The following NAV2 variants were observed in gnomAD, a reference collection of about 807,000 sequenced individuals.
NAV2 encodes neuron navigator 2, also known as helicase, APC down-regulated 1.
In NAV2, 54 loss-of-function variants were observed where a neutral mutation model predicts 223.2. That is an observed-to-expected ratio of 0.24 (90% CI 0.19 to 0.30). The LOEUF (loss-of-function observed/expected upper bound fraction) is 0.30. Ranked by LOEUF, NAV2 falls within the 10% of genes least tolerant of loss-of-function variation. The pLI, the probability that NAV2 is intolerant of heterozygous loss-of-function variation, is 1.00. For missense variants in NAV2, 2,806 were observed against 3,147.5 expected (o/e 0.89, Z 2.60); for synonymous variants, 1,279 against 1,239.3 (o/e 1.03, Z -0.67).
chr11:19,461,359 G>T (rs1852152340), intron 1 of NAV2, among the ~76,000 whole-genome samples: 1 of 152,196 alleles, frequency 6.6e-6, no homozygotes, highest in African/African-American at 2.4e-5. Flanking sequence ...AACTTTCGGA[G>T]GGATTTCCTA....
chr11:19,639,387 G>A (rs2047596159), intron 1 of NAV2, among the ~76,000 whole-genome samples: 1 of 152,168 alleles, frequency 6.6e-6, no homozygotes, highest in Admixed American at 6.5e-5. Flanking sequence ...GGGGGCCCCT[G>A]GAGCCCCCTC....
intron 10 of NAV2, among the ~76,000 whole-genome samples, chr11:19,963,016 T>C (rs1464176353): frequency 6.6e-6 from 1 of 152,184 alleles, no homozygotes; most frequent in Non-Finnish European, 1.5e-5. Flanking sequence ...TCAACTCAAG[T>C]TGTCAGAAAC....
intron 1 of NAV2, among the ~76,000 whole-genome samples, chr11:19,813,722 A>G (rs899407818): frequency 6.6e-6 from 1 of 151,834 alleles, no homozygotes; most frequent in Non-Finnish European, 1.5e-5. Context: ...TGAACTAGAC[A>G]CTCCCAGAGA....
chr11:20,009,567 G>A (rs2053394941), intron 11 of NAV2, among the ~76,000 whole-genome samples: 1 of 152,164 alleles, frequency 6.6e-6, no homozygotes, highest in Non-Finnish European at 1.5e-5. Context: ...AAGCAGAGCT[G>A]GAGTAATTTT....
rs901638306 is a variant in NAV2, at chr11:19,948,705, C to T, written c.2270C>T (p.Thr757Met). The change falls in exon 10 of 38, where the codon ACG (threonine) becomes ATG (methionine). Residue 757 changes from threonine (T) to methionine (M), a missense_variant. Around this residue, in one of 4 missense-constraint regions of NAV2, gnomAD observed 1,167 missense variants for 1,180.5 expected, o/e 0.99. Coordinates refer to ENST00000349880, the MANE Select transcript of NAV2 (RefSeq NM_145117.5). ...TTTGTTTCTAGCACATTGGAAACCA[C>T]GTTTGACACCAATGTCACCACGGAG... ...TQVTHSTLET[T>M]FDTNVTTEMS... 8.2e-6 allele frequency: 13 copies of T among 1,583,440 alleles called. No homozygotes were observed. The highest frequency in any genetic ancestry group is 4.0e-5 in the African/African-American group (3 of 74,196).
At chr11:19,476,487 G>A (rs532290261) in intron 1 of NAV2, among the ~76,000 whole-genome samples, 1 of 152,086 alleles carries the variant, frequency 6.6e-6, no homozygotes, top group East Asian at 1.9e-4. Flanking sequence ...TTTACCAACT[G>A]ATCTGATCCT....
At chr11:19,415,189 G>A (rs942318629) in intron 1 of NAV2, among the ~76,000 whole-genome samples, 1 of 152,098 alleles carries the variant, frequency 6.6e-6, no homozygotes, top group African/African-American at 2.4e-5. Context: ...CAAAGAGATA[G>A]ACTGCTAGCC....
At chr11:19,621,033 C>T (rs1426306378) in intron 1 of NAV2, among the ~76,000 whole-genome samples, 1 of 152,056 alleles carries the variant, frequency 6.6e-6, no homozygotes, top group Non-Finnish European at 1.5e-5. Context: ...TGGTTTTTGT[C>T]TTTGATTCTG....
intron 1 of NAV2, among the ~76,000 whole-genome samples, chr11:19,386,879 A>C (rs1343087700): frequency 6.6e-6 from 1 of 151,946 alleles, no homozygotes; most frequent in African/African-American, 2.4e-5. Flanking sequence ...AAATAGGGGG[A>C]GGTGACACCC....
chr11:19,543,649 C>T (rs888158139), intron 1 of NAV2, among the ~76,000 whole-genome samples: 1 of 152,146 alleles, frequency 6.6e-6, no homozygotes, highest in African/African-American at 2.4e-5. Context: ...GCTTGCCTTC[C>T]TTTGTCTATA....
At chr11:19,651,463 T>A (rs1437744325) in intron 1 of NAV2, among the ~76,000 whole-genome samples, 1 of 152,232 alleles carries the variant, frequency 6.6e-6, no homozygotes, top group Non-Finnish European at 1.5e-5. Flanking sequence ...CTTGTTGGAA[T>A]GTCCTTCACT....
intron 11 of NAV2, among the ~76,000 whole-genome samples, chr11:19,990,349 A>T (rs2051204111): frequency 1.3e-5 from 2 of 152,182 alleles, no homozygotes; most frequent in Admixed American, 1.3e-4. Flanking sequence ...TTCCAAGGCC[A>T]CCAGATCTGC....
At chr11:19,509,565 G>A (rs2043214120) in intron 1 of NAV2, among the ~76,000 whole-genome samples, 1 of 152,168 alleles carries the variant, frequency 6.6e-6, no homozygotes, top group Non-Finnish European at 1.5e-5. Context: ...CCGATGGTTG[G>A]GATATTTATT....
At chr11:19,668,155 A>C (rs2048469986) in intron 1 of NAV2, among the ~76,000 whole-genome samples, 5 of 152,218 alleles carry the variant, frequency 3.3e-5, no homozygotes. Context: ...AGGGAGGGAA[A>C]TGTTACAAAA....
chr11:19,372,645 T>C (rs549357579), intron 1 of NAV2, among the ~76,000 whole-genome samples: 3 of 152,184 alleles, frequency 2.0e-5, no homozygotes, highest in Admixed American at 1.3e-4. Context: ...CTAGAAAACA[T>C]TGGCCCCAAA....
chr11:19,625,512 A>G (rs1275170453), intron 1 of NAV2, among the ~76,000 whole-genome samples: 2 of 152,186 alleles, frequency 1.3e-5, no homozygotes, highest in East Asian at 1.9e-4. Context: ...TGCAATAAAC[A>G]TGGAGGTGCA....
intron 1 of NAV2, among the ~76,000 whole-genome samples, chr11:19,668,706 G>A (rs1183147774): frequency 1.3e-5 from 2 of 152,004 alleles, no homozygotes; most frequent in African/African-American, 2.4e-5. Context: ...CTAGGTTGAA[G>A]ACAGGGACGC....
Position 20,118,426 on chromosome 11 carries a change from G to T in NAV2, c.*168G>T. On this transcript the variant is annotated 3_prime_UTR_variant, in exon 38 of 38. Transcript: ENST00000349880. Reference sequence around the variant, plus strand: ...GCCTCGACCTGGGTGCAGGCATCCCGGGCCAGCTGCCTGCGGACCGCTTCC... The same window carrying T: ...GCCTCGACCTGGGTGCAGGCATCCCTGGCCAGCTGCCTGCGGACCGCTTCC... The T allele has an allele frequency of 4.2e-6, 3 of 712,562 alleles. No individual in the cohort carries two copies. Among genetic ancestry groups the T allele is most frequent in the Non-Finnish European group, 7.1e-6 (3 of 419,978 alleles). The allele number at this position is 712,562 out of a possible 1,614,324, so 44.1% of individuals were successfully genotyped here.
intron 1 of NAV2, among the ~76,000 whole-genome samples, chr11:19,791,803 G>C (rs1380069905): frequency 6.6e-6 from 1 of 152,164 alleles, no homozygotes; most frequent in East Asian, 1.9e-4. Context: ...TTTCAGCTTT[G>C]CCAAGCACTG....
Sources: allele counts gnomAD v4.1 joint callset (sites outside exome capture counted in the v4.1 genomes callset), GRCh38; gene constraint gnomAD v4.1.1; regional missense constraint gnomAD v4.1.1; transcripts MANE v1.5; gene names NCBI Gene and HGNC (gene_info 2026-07-23, HGNC 2026-07-21).